PRDM16: variants seen among roughly 807,000 people sequenced by gnomAD.
PRDM16 encodes the protein PR/SET domain 16, also known as histone-lysine N-methyltransferase PRDM16.
Under a neutral mutation model 110.6 loss-of-function variants are expected in PRDM16, and 23 were observed. The ratio of observed to expected loss-of-function variants is 0.21; its 90% CI spans 0.15 to 0.29. The LOEUF is 0.29. Among genes scored for constraint, PRDM16 ranks in the 10% least tolerant of loss-of-function variants. The probability of loss-of-function intolerance (pLI) is 1.00; values close to 1 mark genes in which losing one functional copy is unlikely to be tolerated. For missense variants in PRDM16, 1,615 were observed against 1,794.3 expected, an observed-to-expected ratio of 0.90 and a Z score of 1.81; for synonymous variants, 799 against 781.8, an observed-to-expected ratio of 1.02 and a Z score of -0.37.
chr1:3,151,155 C>G (rs1173591406), intron 1 of PRDM16, among the ~76,000 whole-genome samples: 1 of 152,194 alleles, frequency 6.6e-6, no homozygotes, highest in Non-Finnish European at 1.5e-5. Context: ...TTGCCTTTGT[C>G]TCTGGGTACA....
intron 14 of PRDM16, 69 bp downstream of exon 14, chr1:3,426,294 G>A: frequency 7.4e-7 from 1 of 1,352,988 alleles, no homozygotes. Flanking sequence ...CACCCTCAGA[G>A]GACATGCACC....
At position 3,350,042 on chromosome 1, in the gene PRDM16, G is replaced by T. The variant is rs1557625939; in HGVS notation, c.439-35110G>T. Among the ~76,000 whole-genome samples the T allele has an allele frequency of 6.6e-6, 1 of 152,236 alleles. No individual in the cohort carries two copies. Among genetic ancestry groups the T allele is most frequent in the African/African-American group, 2.4e-5 (1 of 41,470 alleles). On this transcript the variant is annotated intron_variant, in intron 3 of 16. Transcript: ENST00000270722. The surrounding 1 kb of genome is among the most constrained non-coding windows in gnomAD (Gnocchi z 7.1). ...GTCTTTGAGGGGGGAAGAGGACAGG[G>T]CAGAAAAGACCTGGGGCCAGGTGCA...
intron 3 of PRDM16, among the ~76,000 whole-genome samples, chr1:3,351,086 C>T (rs539517485): frequency 2.0e-5 from 3 of 152,308 alleles, no homozygotes. Flanking sequence ...TGGGAATGGC[C>T]GCTGGCTCGC....
intron 2 of PRDM16, among the ~76,000 whole-genome samples, chr1:3,227,757 A>G (rs796600421): frequency 1.5e-4 from 23 of 150,202 alleles, no homozygotes; most frequent in African/African-American, 5.8e-4. Flanking sequence ...ATATCAGAAG[A>G]AAGAGGTGGC....
At chr1:3,411,045 C>T (rs1324559576) in intron 8 of PRDM16, among the ~76,000 whole-genome samples, 1 of 148,902 alleles carries the variant, frequency 6.7e-6, no homozygotes, top group Non-Finnish European at 1.5e-5. Flanking sequence ...GGGTGGGGCG[C>T]ATGCACACAC....
intron 5 of PRDM16, among the ~76,000 whole-genome samples, chr1:3,401,201 T>C (rs2100638806): frequency 6.6e-6 from 1 of 152,298 alleles, no homozygotes; most frequent in South Asian, 2.1e-4. Context: ...CTGCCCAGAC[T>C]GCAAAGCAGC....
chr1:3,260,911 G>A, intron 3 of PRDM16, among the ~76,000 whole-genome samples: 1 of 149,536 alleles, frequency 6.7e-6, no homozygotes, highest in Non-Finnish European at 1.5e-5. Flanking sequence ...AGACATCAAG[G>A]GACCAGAAGA....
intron 2 of PRDM16, among the ~76,000 whole-genome samples, chr1:3,224,897 C>T (rs10909903): frequency 0.097 from 14,800 of 152,284 alleles, 984 homozygotes; most frequent in African/African-American, 0.18. Flanking sequence ...GAAATTGCTC[C>T]TTCCTGTTGG....
chr1:3,282,551 C>A (rs572630400), intron 3 of PRDM16, among the ~76,000 whole-genome samples: 3 of 152,206 alleles, frequency 2.0e-5, no homozygotes, highest in African/African-American at 7.2e-5. Flanking sequence ...CCTCTCACCA[C>A]GATTCAATCC....
At chr1:3,176,485 T>A (rs544685946) in intron 1 of PRDM16, among the ~76,000 whole-genome samples, 1 of 151,942 alleles carries the variant, frequency 6.6e-6, no homozygotes, top group Non-Finnish European at 1.5e-5. Flanking sequence ...CCAGGCTGCA[T>A]CCATCCATCC....
At chr1:3,171,053 C>T (rs1024504560) in intron 1 of PRDM16, among the ~76,000 whole-genome samples, 8 of 152,212 alleles carry the variant, frequency 5.3e-5, no homozygotes, top group Admixed American at 2.0e-4. Flanking sequence ...CCTGTCCCAG[C>T]GGGACCCCGC....
In PRDM16 at chr1:3,208,681, AAAG is replaced by A. The variant is rs1638810594; in HGVS notation, c.387+22210_387+22212del. On this transcript the variant is annotated intron_variant, in intron 2 of 16. Coordinates refer to ENST00000270722, the MANE Select transcript of PRDM16 (RefSeq NM_022114.4). The surrounding 1 kb of genome is among the most constrained non-coding windows in gnomAD (Gnocchi z 6.1). ...CTCCGTCTCAAAAAAAAAAAAAAGA[AAAG>A]AAAAGAAAAGAAAAGAAAGTGTCTC... The A allele has an allele frequency of 6.6e-6, 1 of 150,854 alleles. No individual in the cohort carries two copies. Among genetic ancestry groups the A allele is most frequent in the African/African-American group, 2.5e-5 (1 of 40,340 alleles). The allele number at this position is 150,854 out of a possible 1,614,324, so 9.3% of individuals were successfully genotyped here.
At chr1:3,233,749 G>C (rs137867583) in intron 2 of PRDM16, among the ~76,000 whole-genome samples, 3 of 152,170 alleles carry the variant, frequency 2.0e-5, no homozygotes, top group Admixed American at 2.0e-4. Flanking sequence ...GCTTTTGGAG[G>C]TGATGGATGG....
rs12044610 is a variant in PRDM16 at position 3,243,304 on chromosome 1, A to G, written c.388-783A>G. On this transcript the variant is annotated intron_variant, in intron 2 of 16. Transcript: ENST00000270722. This position sits in a 1 kb window ranked among gnomAD's most constrained non-coding sequence, Gnocchi z 5.5. ...CTTTGAGAAGTTTCCTCCAAAAGCC[A>G]TGGGGGACATCCCCCTCCCAGGGAT... Among the ~76,000 whole-genome samples, 4 of 152,086 alleles carry G rather than the reference A, an allele frequency of 2.6e-5. No individual in the cohort carries two copies. Among genetic ancestry groups the G allele is most frequent in the Admixed American group, 2.6e-4 (4 of 15,282 alleles).
At chr1:3,414,503 T>TGGCTCGGCGGGGCGGGC (rs1308869374) in intron 9 of PRDM16, 57 bp from the exon 10 acceptor site, 1 of 1,391,430 alleles carries the variant, frequency 7.2e-7, no homozygotes, top group Non-Finnish European at 1.0e-6. Context: ...GTGGAGCGGG[T>TGGCTCGGCGGGGCGGGC]GGCTCGGCGG....
At chr1:3,347,571 C>T (rs1642387229) in intron 3 of PRDM16, among the ~76,000 whole-genome samples, 1 of 152,224 alleles carries the variant, frequency 6.6e-6, no homozygotes, top group South Asian at 2.1e-4. Context: ...GGGGTGGGGG[C>T]AGAGCCGTCT....
chr1:3,150,757 G>T (rs1186552259), intron 1 of PRDM16, among the ~76,000 whole-genome samples: 1 of 151,414 alleles, frequency 6.6e-6, no homozygotes, highest in African/African-American at 2.4e-5. Context: ...TTTTCCAGTC[G>T]CCAGTTGGCC....
At chr1:3,263,637 C>A (rs927213763) in intron 3 of PRDM16, among the ~76,000 whole-genome samples, 3 of 152,270 alleles carry the variant, frequency 2.0e-5, no homozygotes, top group Admixed American at 2.0e-4. Context: ...CAGCTCTCTG[C>A]TGGCTCCTGC....
intron 2 of PRDM16, among the ~76,000 whole-genome samples, chr1:3,232,808 G>A (rs1018483585): frequency 2.6e-5 from 4 of 152,206 alleles, no homozygotes; most frequent in Non-Finnish European, 5.9e-5. Flanking sequence ...GTCGTAGCCA[G>A]AGAAGAGCCC....
Sources: gnomAD v4.1 joint callset for allele counts (sites outside exome capture counted in the v4.1 genomes callset) on GRCh38, gnomAD v4.1.1 for gene constraint, Gnocchi (gnomAD v3.1) non-coding constraint, MANE v1.5 for transcripts, NCBI Gene and HGNC (gene_info 2026-07-23, HGNC 2026-07-21) for gene names.